LRR1: variants seen among roughly 807,000 people sequenced by gnomAD.
The protein encoded by LRR1 is leucine-rich repeat protein 1.
Under a neutral mutation model 31.6 loss-of-function variants are expected in LRR1, and 29 were observed. That is an observed-to-expected ratio of 0.92 (90% CI 0.68 to 1.25). The LOEUF (loss-of-function observed/expected upper bound fraction) is 1.25. Among genes scored for constraint, LRR1 ranks in the 50% most tolerant of loss-of-function variants. The pLI, the probability that LRR1 is intolerant of heterozygous loss-of-function variation, is 0.00. For synonymous variants in LRR1, 179 were observed against 181.4 expected (o/e 0.99, Z 0.10); for missense variants, 485 against 487.2 (o/e 1.00, Z 0.04).
At chr14:49,608,601 C>T (rs28396798) in intron 3 of LRR1, among the ~76,000 whole-genome samples, 72,351 of 150,640 alleles carry the variant, frequency 0.48, 18,123 homozygotes, top group Middle Eastern at 0.57. Flanking sequence ...TACCCTGCTC[C>T]TAGCATATAT....
chr14:49,602,290 C>T, intron 1 of LRR1, 80 bp from the exon 2 acceptor site: 1 of 1,240,750 alleles, frequency 8.1e-7, no homozygotes. Context: ...GGCAAAGTAA[C>T]TGGCACATTC....
chr14:49,601,137 A>G (rs1460694667), intron 1 of LRR1: 8 of 1,607,458 alleles, frequency 5.0e-6, no homozygotes, highest in Non-Finnish European at 6.8e-6. Flanking sequence ...GAGAGAATGT[A>G]TGAGATCAAA....
intron 2 of LRR1, chr14:49,603,681 CTTTTTTTT>C (rs1192131820): frequency 4.4e-6 from 3 of 674,908 alleles, no homozygotes; most frequent in East Asian, 3.4e-4. Context: ...GTAATCATTC[CTTTTTTTT>C]TTTTTTTTTT....
chr14:49,602,594 C>T (rs1323559774), intron 2 of LRR1, 126 bp downstream of exon 2: 1 of 709,302 alleles, frequency 1.4e-6, no homozygotes, highest in Admixed American at 2.7e-5. Flanking sequence ...GCATCAAACA[C>T]CTAGGCTCAA....
At chr14:49,602,565 G>C in intron 2 of LRR1, 97 bp downstream of exon 2, 1 of 934,062 alleles carries the variant, frequency 1.1e-6, no homozygotes, top group Non-Finnish European at 1.7e-6. Flanking sequence ...GAAGTACAGA[G>C]GCATAGTCAT....
rs1324717093 is a variant in LRR1 at position 49,600,559 on chromosome 14, C to T, written c.183+1356C>T. The T allele has an allele frequency of 2.0e-5, 31 of 1,571,146 alleles. No homozygotes were observed. In the African/African-American group the frequency reaches 2.1e-4, roughly 10 times the overall value. ...GCCATTTTAACTCCAAAGAAACACACTGTAAAAAAAAAAGAATAGGATCAA... is the reference window on the plus strand; with the variant it reads ...GCCATTTTAACTCCAAAGAAACACATTGTAAAAAAAAAAGAATAGGATCAA... On this transcript the variant is annotated intron_variant, in intron 1 of 3. Coordinates refer to ENST00000298288, the MANE Select transcript of LRR1 (RefSeq NM_152329.4).
At chr14:49,611,477 A>G (rs534720451) in intron 3 of LRR1, among the ~76,000 whole-genome samples, 2 of 152,288 alleles carry the variant, frequency 1.3e-5, no homozygotes, top group Admixed American at 1.3e-4. Context: ...CTCCGTCTCA[A>G]TCAGTCAATC....
chr14:49,599,075 CT>C lies in LRR1; in HGVS notation c.57del (p.Arg20GlyfsTer11). On this transcript the variant is annotated frameshift_variant, in exon 1 of 4. Transcript: ENST00000298288. LOFTEE classifies it high-confidence loss of function. ...CAGCCGGCACTTGCCCGCCTTGGGG[CT>C]TAGGAACCGGGGCAAGGGCGTCCGA... ...VISRHLPALG[L>X]RNRGKGVRAV... is the part of the protein sequence containing the mutation. 6.2e-7 allele frequency: 1 copy of C among 1,609,258 alleles called. No homozygotes were observed. The highest frequency in any genetic ancestry group is 8.5e-7 in the Non-Finnish European group (1 of 1,178,026).
chr14:49,611,311 C>CT (rs1433471198), intron 3 of LRR1, among the ~76,000 whole-genome samples: 2 of 151,910 alleles, frequency 1.3e-5, no homozygotes, highest in Non-Finnish European at 2.9e-5. Flanking sequence ...CTCGTCTCTA[C>CT]TAAAAATACA....
At chr14:49,608,258 C>T (rs1882363114) in intron 3 of LRR1, 137 bp downstream of exon 3, 1 of 901,668 alleles carries the variant, frequency 1.1e-6, no homozygotes. Flanking sequence ...TCTTCTTGTT[C>T]CTTACCTCTG....
chr14:49,614,608 AG>A lies in LRR1; in HGVS notation c.*114del. ...GATTTCTGTATACTTGCTGGAGAGGAGGAATGTGTATAGTTACTCATTTAGA... is the reference window on the plus strand; with the variant it reads ...GATTTCTGTATACTTGCTGGAGAGGAGAATGTGTATAGTTACTCATTTAGA... On this transcript the variant is annotated 3_prime_UTR_variant, in exon 4 of 4. Coordinates refer to ENST00000298288, the MANE Select transcript of LRR1 (RefSeq NM_152329.4). 7.1e-7 allele frequency: 1 copy of A among 1,405,828 alleles called. No individual in the cohort carries two copies. Among genetic ancestry groups the A allele is most frequent in the Non-Finnish European group, 1.0e-6 (1 of 1,003,046 alleles). The allele number at this position is 1,405,828 out of a possible 1,614,324, so 87.1% of individuals were successfully genotyped here.
At chr14:49,607,320 T>C (rs1431349577) in intron 2 of LRR1, 80 bp from the exon 3 acceptor site, 3 of 1,352,296 alleles carry the variant, frequency 2.2e-6, no homozygotes, top group Admixed American at 2.5e-5. Context: ...AGTAATGCCA[T>C]AGAATTTGTT....
chr14:49,603,114 G>C (rs1171500981), intron 2 of LRR1, among the ~76,000 whole-genome samples: 1 of 152,002 alleles, frequency 6.6e-6, no homozygotes. Context: ...CAAAATGCTG[G>C]GATTACAGGC....
chr14:49,614,185 C>A, intron 3 of LRR1, 71 bp from the exon 4 acceptor site: 1 of 1,448,688 alleles, frequency 6.9e-7, no homozygotes. Flanking sequence ...TGTTAAAATT[C>A]CATGTCCTAA....
chr14:49,614,153 G>A (rs6572592), intron 3 of LRR1, 103 bp from the exon 4 acceptor site: 818,498 of 1,137,492 alleles, frequency 0.72, 304,186 homozygotes, highest in Non-Finnish European at 0.76. Context: ...TATACTAATC[G>A]CTTAATAATT....
intron 2 of LRR1, among the ~76,000 whole-genome samples, chr14:49,606,547 C>T (rs561074128): frequency 6.6e-6 from 1 of 152,076 alleles, no homozygotes; most frequent in East Asian, 1.9e-4. Flanking sequence ...CCATGTTGGC[C>T]AGGCTGGTCT....
chr14:49,609,217 CTTTTTTTT>C (rs746422046), intron 3 of LRR1, among the ~76,000 whole-genome samples: 2 of 76,932 alleles, frequency 2.6e-5, no homozygotes, highest in African/African-American at 5.5e-5. Context: ...ACACCTGGCC[CTTTTTTTT>C]TTTTTTTTTT....
chr14:49,599,162 C>T lies in LRR1; in HGVS notation c.142C>T (p.Leu48Phe). Residue 48 changes from leucine (L) to phenylalanine (F), a missense_variant, in exon 1 of 4, where the codon CTC becomes TTC. This residue lies in a region of LRR1 where 260 missense variants were observed against 249.6 expected (regional missense o/e 1.04). Coordinates refer to ENST00000298288, the MANE Select transcript of LRR1 (RefSeq NM_152329.4). The part of the protein sequence containing the change: ...RSQPPVRAFL[L>F]ISTLKDKRGT... ...TCAGCCGCCGGTCCGAGCCTTCCTG[C>T]TCATCTCCACCCTGAAGGACAAGCG... The T allele has an allele frequency of 1.9e-6, 3 of 1,609,228 alleles. No individual in the cohort carries two copies. The highest frequency in any genetic ancestry group is 2.5e-6 in the Non-Finnish European group (3 of 1,178,084).
chr14:49,608,406 ATTTTTTTTTTTTTTTTTTTTT>A (rs71408651), intron 3 of LRR1, among the ~76,000 whole-genome samples: 47 of 21,098 alleles, frequency 2.2e-3, no homozygotes, highest in East Asian at 9.3e-3. Context: ...ACATTGCTTG[ATTTTTTTTTTTTTTTTTTTTT>A]TTTTTTTTTT....
Sources: allele counts gnomAD v4.1 joint callset (sites outside exome capture counted in the v4.1 genomes callset), GRCh38; gene constraint gnomAD v4.1.1; regional missense constraint gnomAD v4.1.1; transcripts MANE v1.5; gene names NCBI Gene and HGNC (gene_info 2026-07-23, HGNC 2026-07-21).